The following FOXL2 variants were observed in gnomAD, a reference collection of about 807,000 sequenced individuals.
FOXL2 encodes the protein forkhead box L2, also known as forkhead box protein L2.
A neutral mutation model predicts 2.5 loss-of-function variants in FOXL2; 3 were observed. That is an observed-to-expected ratio of 1.20 (90% CI 0.55 to 3.11). The LOEUF (loss-of-function observed/expected upper bound fraction) is 3.11. Among genes scored for constraint, FOXL2 ranks in the 30% most tolerant of loss-of-function variants. The pLI is 0.03. For synonymous variants in FOXL2, 315 were observed against 269.4 expected (o/e 1.17, Z -1.66); for missense variants, 512 against 570.0 (o/e 0.90, Z 1.04).
chr3:138,945,903 A>T lies in FOXL2; in HGVS notation c.820T>A (p.Tyr274Asn). Residue 274 changes from tyrosine (Y) to asparagine (N), a missense_variant, in exon 1 of 1, where the codon TAC becomes AAC. Transcript: ENST00000648323. ...GCCGGCGGGCCTCCCAGGCCATTGTACGAGTTCACTACGCCGGGGGGCAGC... is the reference window on the plus strand; with the variant it reads ...GCCGGCGGGCCTCCCAGGCCATTGTTCGAGTTCACTACGCCGGGGGGCAGC... ...MALPPGVVNSYNGLGGPPAAP... is the reference protein window; with the variant it reads ...MALPPGVVNSNNGLGGPPAAP... 1.5e-6 allele frequency: 2 copies of T among 1,315,138 alleles called. No homozygotes were observed. Among genetic ancestry groups the T allele is most frequent in the Non-Finnish European group, 9.6e-7 (1 of 1,040,716 alleles). The allele number at this position is 1,315,138 out of a possible 1,614,324, so 81.5% of individuals were successfully genotyped here.
At position 138,944,949 on chromosome 3, in the gene FOXL2, C is replaced by T. The variant is rs1050248178; in HGVS notation, c.*643G>A. 2 of 233,000 alleles carry T rather than the reference C, an allele frequency of 8.6e-6. No individual in the cohort carries two copies. Among genetic ancestry groups the T allele is most frequent in the Non-Finnish European group, 1.7e-5 (2 of 117,816 alleles). The allele number at this position is 233,000 out of a possible 1,614,324, so 14.4% of individuals were successfully genotyped here. A position where few individuals can be genotyped will look rare whatever the true frequency, so the allele number is the denominator to read the frequency against. On this transcript the variant is annotated 3_prime_UTR_variant, in exon 1 of 1. Transcript: ENST00000648323. Reference sequence around the variant, plus strand: ...AACGCAGCCTCCCTCCGCGCCCGCCCGCGGTGTAAACCGAGTACAGGCCGT... The same window carrying T: ...AACGCAGCCTCCCTCCGCGCCCGCCTGCGGTGTAAACCGAGTACAGGCCGT...
chr3:138,947,047 C>A lies in FOXL2; in HGVS notation c.-325G>T, dbSNP rs1470182420. 10 of 291,436 alleles carry A rather than the reference C, an allele frequency of 3.4e-5. No homozygotes were observed. The highest frequency in any genetic ancestry group is 1.1e-4 in the East Asian group (1 of 9,254). 18.1% of individuals were successfully genotyped at this position (291,436 alleles called of 1,614,324 possible). ...TTTCTTTTCTGCGCTCTTCCCCTCC[C>A]CCCGCCCCCCGGTTTCCCGAAGCAC... On this transcript the variant is annotated 5_prime_UTR_variant, in exon 1 of 1. Transcript: ENST00000648323. The surrounding 1 kb of genome is among the most constrained non-coding windows in gnomAD (Gnocchi z 5.2).
rs797044528 is a variant in FOXL2, at chr3:138,945,918, C to CG, written c.804dup (p.Gly269ArgfsTer265). ...AGGCCATTGTACGAGTTCACTACGC[C>CG]GGGGGGCAGCGCCATGCTCTGCACG... On this transcript the variant is annotated frameshift_variant, in exon 1 of 1. Coordinates refer to ENST00000648323, the MANE Select transcript of FOXL2 (RefSeq NM_023067.4). LOFTEE classifies it low-confidence loss of function (END_TRUNC). The CG allele has an allele frequency of 7.5e-7, 1 of 1,335,616 alleles. No individual in the cohort carries two copies. The highest frequency in any genetic ancestry group is 1.5e-5 in the African/African-American group (1 of 65,858). The allele number at this position is 1,335,616 out of a possible 1,614,324, so 82.7% of individuals were successfully genotyped here. A position where few individuals can be genotyped will look rare whatever the true frequency, so the allele number is the denominator to read the frequency against.
Position 138,946,138 on chromosome 3 carries a change from C to A in FOXL2, c.585G>T (p.Leu195=). The A allele has an allele frequency of 6.7e-7, 1 of 1,485,426 alleles. No individual in the cohort carries two copies. The highest frequency in any genetic ancestry group is 8.9e-7 in the Non-Finnish European group (1 of 1,125,720). The allele number at this position is 1,485,426 out of a possible 1,614,324, so 92.0% of individuals were successfully genotyped here. A position where few individuals can be genotyped will look rare whatever the true frequency, so the allele number is the denominator to read the frequency against. The change falls in exon 1 of 1, where the codon CTG becomes CTT. Residue 195 remains leucine, a synonymous_variant. Transcript: ENST00000648323. ...GYGYLAPPKY[L]QSGFLNNSWP... is the part of the protein sequence containing the mutation. ...ACGAGTTGTTGAGGAAGCCAGACTGCAGGTACTTGGGGGGCGCCAGGTAGC... is the reference window on the plus strand; with the variant it reads ...ACGAGTTGTTGAGGAAGCCAGACTGAAGGTACTTGGGGGGCGCCAGGTAGC...
chr3:138,947,088 C>G lies in FOXL2; in HGVS notation c.-366G>C, dbSNP rs1935998989. 2.6e-6 allele frequency: 1 copy of G among 381,910 alleles called. No homozygotes were observed. Among genetic ancestry groups the G allele is most frequent in the Non-Finnish European group, 4.7e-6 (1 of 210,836 alleles). The allele number at this position is 381,910 out of a possible 1,614,324, so 23.7% of individuals were successfully genotyped here. On this transcript the variant is annotated 5_prime_UTR_variant, in exon 1 of 1. Coordinates refer to ENST00000648323, the MANE Select transcript of FOXL2 (RefSeq NM_023067.4). The surrounding 1 kb of genome is among the most constrained non-coding windows in gnomAD (Gnocchi z 5.2). Reference sequence around the variant, plus strand: ...CCCGAAGCACGACCCGCGTCTCTGGCGGAGCTGCCTCCTGGAGTCCCTAGT... The same window carrying G: ...CCCGAAGCACGACCCGCGTCTCTGGGGGAGCTGCCTCCTGGAGTCCCTAGT...
At position 138,946,754 on chromosome 3, in the gene FOXL2, T is replaced by A. The variant is rs2107745235; in HGVS notation, c.-32A>T. 1 of 1,550,146 alleles carries A rather than the reference T, an allele frequency of 6.5e-7. No individual in the cohort carries two copies. The highest frequency in any genetic ancestry group is 8.7e-7 in the Non-Finnish European group (1 of 1,147,692). ...GCCGGCGCGCCGCGGCCGGGCCGCC[T>A]CTGCTCTCCGCTCCAGGCGCTGGCG... On this transcript the variant is annotated 5_prime_UTR_variant, in exon 1 of 1. Coordinates refer to ENST00000648323, the MANE Select transcript of FOXL2 (RefSeq NM_023067.4).
Position 138,946,734 on chromosome 3 carries a change from C to A in FOXL2, c.-12G>T, listed in dbSNP as rs547635156. On this transcript the variant is annotated 5_prime_UTR_variant, in exon 1 of 1. Transcript: ENST00000648323. ...TAGCTGGCCATCATGACAAAGCCGG[C>A]GCGCCGCGGCCGGGCCGCCTCTGCT... 2 of 1,560,008 alleles carry A rather than the reference C, an allele frequency of 1.3e-6. No homozygotes were observed. The highest frequency in any genetic ancestry group is 4.8e-5 in the East Asian group (2 of 41,814).
chr3:138,946,568 G>T lies in FOXL2; in HGVS notation c.155C>A (p.Ala52Glu). The change falls in exon 1 of 1, where the codon GCG (alanine) becomes GAG (glutamate). Residue 52 changes from alanine (A) to glutamate (E), a missense_variant. Ala to Glu is a moderately radical substitution (Grantham distance 107, BLOSUM62 -1). Coordinates refer to ENST00000648323, the MANE Select transcript of FOXL2 (RefSeq NM_023067.4). The part of the protein sequence containing the change: ...GGTAPEKPDP[A>E]QKPPYSYVAL... ...CACGTACGAGTACGGGGGCTTCTGC[G>T]CCGGGTCCGGCTTCTCCGGGGCTGT... 6.2e-7 allele frequency: 1 copy of T among 1,610,072 alleles called. No homozygotes were observed. The highest frequency in any genetic ancestry group is 8.5e-7 in the Non-Finnish European group (1 of 1,179,756).
At position 138,946,967 on chromosome 3, in the gene FOXL2, G is replaced by A. The variant is rs950573234; in HGVS notation, c.-245C>T. 32 of 577,222 alleles carry A rather than the reference G, an allele frequency of 5.5e-5. No individual in the cohort carries two copies. Among genetic ancestry groups the A allele is most frequent in the Non-Finnish European group, 9.3e-5 (31 of 332,700 alleles). The allele number at this position is 577,222 out of a possible 1,614,324, so 35.8% of individuals were successfully genotyped here. On this transcript the variant is annotated 5_prime_UTR_variant, in exon 1 of 1. Coordinates refer to ENST00000648323, the MANE Select transcript of FOXL2 (RefSeq NM_023067.4). ...CCATGGGGAGTCCGCCCAACAGAGA[G>A]GGGCTCCGGCCTCGCCGCCCCTCCC...
chr3:138,945,254 C>A lies in FOXL2; in HGVS notation c.*338G>T. The A allele has an allele frequency of 4.0e-6, 1 of 248,594 alleles. No homozygotes were observed. Among genetic ancestry groups the A allele is most frequent in the South Asian group, 1.6e-4 (1 of 6,072 alleles). 15.4% of individuals were successfully genotyped at this position (248,594 alleles called of 1,614,324 possible). On this transcript the variant is annotated 3_prime_UTR_variant, in exon 1 of 1. Coordinates refer to ENST00000648323, the MANE Select transcript of FOXL2 (RefSeq NM_023067.4). ...GCCGACGCCCGGTCGCACCTCCGCCCCGGGCCCTTTCCGCGGTGAATTTGG... is the reference window on the plus strand; with the variant it reads ...GCCGACGCCCGGTCGCACCTCCGCCACGGGCCCTTTCCGCGGTGAATTTGG...
In FOXL2 at chr3:138,946,974, C is replaced by T. The variant is rs1409519051; in HGVS notation, c.-252G>A. 7.2e-6 allele frequency: 4 copies of T among 557,716 alleles called. No individual in the cohort carries two copies. Among genetic ancestry groups the T allele is most frequent in the African/African-American group, 2.0e-5 (1 of 49,996 alleles). 34.5% of individuals were successfully genotyped at this position (557,716 alleles called of 1,614,324 possible). On this transcript the variant is annotated 5_prime_UTR_variant, in exon 1 of 1. Coordinates refer to ENST00000648323, the MANE Select transcript of FOXL2 (RefSeq NM_023067.4). ...GAGTCCGCCCAACAGAGAGGGGCTC[C>T]GGCCTCGCCGCCCCTCCCCGCTCAG... is the stretch of plus-strand genomic sequence containing the variant.
Position 138,946,790 on chromosome 3 carries a change from T to C in FOXL2, c.-68A>G, listed in dbSNP as rs1935989513. 12 of 1,530,962 alleles carry C rather than the reference T, an allele frequency of 7.8e-6. No homozygotes were observed. The highest frequency in any genetic ancestry group is 1.1e-5 in the Non-Finnish European group (12 of 1,140,378). 94.8% of individuals were successfully genotyped at this position (1,530,962 alleles called of 1,614,324 possible). On this transcript the variant is annotated 5_prime_UTR_variant, in exon 1 of 1. Transcript: ENST00000648323. ...CTCCAGGCGCTGGCGCGGCAAAGAG[T>C]TGGGGCGCACGAGTCCGCTTACGGC...
Position 138,946,309 on chromosome 3 carries a change from G to A in FOXL2, c.414C>T (p.Phe138=), listed in dbSNP as rs1288466612. The A allele has an allele frequency of 1.9e-6, 3 of 1,613,438 alleles. No homozygotes were observed. The Admixed American group carries it at 5.0e-5, about 27-fold the overall frequency. The change falls in exon 1 of 1, where the codon TTC becomes TTT. Residue 138 remains phenylalanine, a synonymous_variant. Coordinates refer to ENST00000648323, the MANE Select transcript of FOXL2 (RefSeq NM_023067.4). ...WTLDPACEDM[F]EKGNYRRRRR... ...GGCGGCGCCGGTAGTTGCCCTTCTC[G>A]AACATGTCTTCGCAGGCCGGGTCCA...
chr3:138,946,152 G>A lies in FOXL2; in HGVS notation c.571C>T (p.Pro191Ser), dbSNP rs1361368290. 1.1e-5 allele frequency: 16 copies of A among 1,483,982 alleles called. No homozygotes were observed. Among genetic ancestry groups the A allele is most frequent in the South Asian group, 2.5e-5 (2 of 78,556 alleles). 91.9% of individuals were successfully genotyped at this position (1,483,982 alleles called of 1,614,324 possible). A position where few individuals can be genotyped will look rare whatever the true frequency, so the allele number is the denominator to read the frequency against. The change falls in exon 1 of 1, where the codon CCC (proline) becomes TCC (serine). Residue 191 changes from proline to serine, a missense_variant. Physicochemically the swap from Pro to Ser is moderately conservative, Grantham distance 74 (BLOSUM62 -1). Around this residue, in one of 5 missense-constraint regions of FOXL2, gnomAD observed 287 missense variants for 277.4 expected, o/e 1.03. Coordinates refer to ENST00000648323, the MANE Select transcript of FOXL2 (RefSeq NM_023067.4). Reference protein sequence around the residue: ...AGADGYGYLAPPKYLQSGFLN... With the variant: ...AGADGYGYLASPKYLQSGFLN... The stretch of plus-strand genomic sequence containing the variant: ...AAGCCAGACTGCAGGTACTTGGGGG[G>A]CGCCAGGTAGCCGTAGCCGTCGGCC...
Position 138,945,249 on chromosome 3 carries a change from C to CT in FOXL2, c.*342_*343insA. On this transcript the variant is annotated 3_prime_UTR_variant, in exon 1 of 1. Transcript: ENST00000648323. ...GCGCTGCCGACGCCCGGTCGCACCT[C>CT]CGCCCCGGGCCCTTTCCGCGGTGAA... 4.1e-6 allele frequency: 1 copy of CT among 245,636 alleles called. No homozygotes were observed. The highest frequency in any genetic ancestry group is 1.7e-4 in the South Asian group (1 of 5,892). 15.2% of individuals were successfully genotyped at this position (245,636 alleles called of 1,614,324 possible).
rs1438527239 is a variant in FOXL2, at chr3:138,944,918, G to C, written c.*674C>G. The C allele has an allele frequency of 4.3e-6, 1 of 232,756 alleles. No individual in the cohort carries two copies. Among genetic ancestry groups the C allele is most frequent in the African/African-American group, 2.2e-5 (1 of 45,294 alleles). 14.4% of individuals were successfully genotyped at this position (232,756 alleles called of 1,614,324 possible). A position where few individuals can be genotyped will look rare whatever the true frequency, so the allele number is the denominator to read the frequency against. On this transcript the variant is annotated 3_prime_UTR_variant, in exon 1 of 1. Transcript: ENST00000648323. ...TGCCCGAAGCGACGGGACTGATAGC[G>C]GAGGAAACGCAGCCTCCCTCCGCGC...
chr3:138,946,136 T>C lies in FOXL2; in HGVS notation c.587A>G (p.Gln196Arg). Reference sequence around the variant, plus strand: ...CCACGAGTTGTTGAGGAAGCCAGACTGCAGGTACTTGGGGGGCGCCAGGTA... The same window carrying C: ...CCACGAGTTGTTGAGGAAGCCAGACCGCAGGTACTTGGGGGGCGCCAGGTA... ...YGYLAPPKYL[Q>R]SGFLNNSWPL... Residue 196 changes from glutamine (Q) to arginine (R), a missense_variant, in exon 1 of 1, where the codon CAG (glutamine) becomes CGG (arginine). Physicochemically the swap from Gln to Arg is conservative, Grantham distance 43. This residue lies in a region of FOXL2 where 287 missense variants were observed against 277.4 expected (regional missense o/e 1.03). Coordinates refer to ENST00000648323, the MANE Select transcript of FOXL2 (RefSeq NM_023067.4). 1.3e-6 allele frequency: 2 copies of C among 1,485,054 alleles called. No homozygotes were observed. Among genetic ancestry groups the C allele is most frequent in the Non-Finnish European group, 1.8e-6 (2 of 1,125,592 alleles). The allele number at this position is 1,485,054 out of a possible 1,614,324, so 92.0% of individuals were successfully genotyped here.
At position 138,945,575 on chromosome 3, in the gene FOXL2, C is replaced by T. The variant is rs1325531862; in HGVS notation, c.*17G>A. ...CCTGCATCCTCGCATCCGTCTGCAC[C>T]GGCATGCGGTGGGCTCTCAGAGATC... On this transcript the variant is annotated 3_prime_UTR_variant, in exon 1 of 1. Coordinates refer to ENST00000648323, the MANE Select transcript of FOXL2 (RefSeq NM_023067.4). 1 of 1,605,928 alleles carries T rather than the reference C, an allele frequency of 6.2e-7. No homozygotes were observed. Among genetic ancestry groups the T allele is most frequent in the South Asian group, 1.1e-5 (1 of 90,896 alleles).
At position 138,946,842 on chromosome 3, in the gene FOXL2, G is replaced by A. The variant is rs556654191; in HGVS notation, c.-120C>T. The A allele has an allele frequency of 8.6e-6, 12 of 1,402,456 alleles. No homozygotes were observed. In the East Asian group the frequency reaches 2.8e-4, roughly 33 times the overall value. The allele number at this position is 1,402,456 out of a possible 1,614,324, so 86.9% of individuals were successfully genotyped here. A position where few individuals can be genotyped will look rare whatever the true frequency, so the allele number is the denominator to read the frequency against. On this transcript the variant is annotated 5_prime_UTR_variant, in exon 1 of 1. Transcript: ENST00000648323. ...AAGTCTCAAACTTCTGGAGACTGCGGATGCCGCCCGCGCTTGCTTGCTGGA... is the reference window on the plus strand; with the variant it reads ...AAGTCTCAAACTTCTGGAGACTGCGAATGCCGCCCGCGCTTGCTTGCTGGA...
Sources: gnomAD v4.1 joint callset for allele counts on GRCh38, gnomAD v4.1.1 for gene constraint, gnomAD v4.1.1 regional missense constraint, Gnocchi (gnomAD v3.1) non-coding constraint, MANE v1.5 for transcripts, NCBI Gene and HGNC (gene_info 2026-07-23, HGNC 2026-07-21) for gene names.